Variants in ARMCX4 observed in about 807,000 individuals in gnomAD.
ARMCX4 encodes the protein armadillo repeat-containing X-linked protein 4.
ARMCX4 carries 3 observed loss-of-function variants against 34.7 expected under a neutral mutation model. That is an observed-to-expected ratio of 0.09 (90% CI 0.04 to 0.22). The LOEUF (loss-of-function observed/expected upper bound fraction) is 0.22. ARMCX4 is among the 10% of genes least tolerant of loss of function. ARMCX4 has a pLI of 1.00. For synonymous variants in ARMCX4, 513 were observed against 632.8 expected (o/e 0.81, Z 2.84); for missense variants, 1,448 against 1,720.8 (o/e 0.84, Z 2.81).
downstream of ARMCX4, among the ~76,000 whole-genome samples, chrX:101,499,985 A>G (rs781816766): frequency 8.9e-6 from 1 of 112,248 alleles, no homozygotes; most frequent in South Asian, 3.7e-4. Flanking sequence ...GTGCCCAGGA[A>G]GAAGGACCCT....
upstream of ARMCX4, among the ~76,000 whole-genome samples, chrX:101,481,744 A>G (rs1444249726): frequency 1.8e-5 from 2 of 111,545 alleles, no homozygotes; most frequent in Admixed American, 9.6e-5. Flanking sequence ...AGAATATCCT[A>G]AAGAAATTCT....
At chrX:101,438,127 A>G (rs1212143853) in intron 2 of ARMCX4, among the ~76,000 whole-genome samples, 2 of 111,709 alleles carry the variant, frequency 1.8e-5, no homozygotes, top group Non-Finnish European at 3.8e-5. Context: ...GCTGAAAAGA[A>G]TGTATGTTCT....
At chrX:101,425,393 CTT>C (rs1433372159) in intron 2 of ARMCX4, among the ~76,000 whole-genome samples, 4 of 88,790 alleles carry the variant, frequency 4.5e-5, no homozygotes, top group Non-Finnish European at 2.2e-5. Context: ...GAGGAAGGCA[CTT>C]TTTTTTTTTT....
At chrX:101,532,078 T>G (rs1387838466) in intron 12 of ARMCX4, 1 of 111,901 alleles carries the variant, frequency 8.9e-6, no homozygotes, top group Non-Finnish European at 1.9e-5. Flanking sequence ...CAGAAGCAGC[T>G]TGCCTTACAC....
At chrX:101,449,855 T>C (rs782639192), downstream of ARMCX4, among the ~76,000 whole-genome samples, 4 of 111,307 alleles carry the variant, frequency 3.6e-5, no homozygotes, top group Admixed American at 2.9e-4. Context: ...CTATCTTTCT[T>C]GGGAAGGCTT....
intron 2 of ARMCX4, among the ~76,000 whole-genome samples, chrX:101,442,602 A>T (rs180906706): frequency 9.0e-4 from 100 of 111,651 alleles, no homozygotes; most frequent in African/African-American, 3.3e-3. Flanking sequence ...TCAAGGGTAG[A>T]AGAGATATGT....
chrX:101,464,806 A>C (rs782056220), intron 4 of ARMCX4, among the ~76,000 whole-genome samples: 1 of 111,917 alleles, frequency 8.9e-6, no homozygotes, highest in Non-Finnish European at 1.9e-5. Context: ...TTTGTGCTAA[A>C]GGGCCAAGGT....
At chrX:101,443,130 CAAAAAAA>C (rs141804967) in intron 2 of ARMCX4, among the ~76,000 whole-genome samples, 1 of 49,742 alleles carries the variant, frequency 2.0e-5, no homozygotes, top group African/African-American at 9.0e-5. Context: ...GACTCCGTCT[CAAAAAAA>C]AAAAAAAAAA....
rs1933869438 is a variant in ARMCX4 at position 101,489,152 on chromosome X, C to A, written c.563C>A (p.Thr188Asn). The A allele has an allele frequency of 3.5e-6, 4 of 1,154,594 alleles. No individual in the cohort carries two copies. Among genetic ancestry groups the A allele is most frequent in the African/African-American group, 3.6e-5 (2 of 55,884 alleles). Residue 188 changes from threonine (T) to asparagine (N), a missense_variant, in exon 6 of 6, where the codon ACC (threonine) becomes AAC (asparagine). Transcript: ENST00000423738. ...TEAKREAMTQ[T>N]KAETHILAEK... ...GCCAAGAGAGAAGCAATGACCCAGA[C>A]CAAAGCTGAAACTCATATATTGGCT...
At position 101,428,996 on chromosome X, in the gene ARMCX4, C is replaced by T. The variant is rs1180859741; in HGVS notation, n.164+9996C>T. On this transcript the variant is annotated intron_variant and non_coding_transcript_variant, in intron 2 of 3. Transcript: ENST00000430461. Reference sequence around the variant, plus strand: ...AGGCAATCCTCCTGTCTCAGCCTCCCGAGTGGCATGTGCCACCATGCCCGG... The same window carrying T: ...AGGCAATCCTCCTGTCTCAGCCTCCTGAGTGGCATGTGCCACCATGCCCGG... Among the ~76,000 whole-genome samples the T allele has an allele frequency of 3.7e-5, 4 of 108,243 alleles. 1 individual carries two copies. In the Admixed American group the frequency reaches 4.0e-4, roughly 11 times the overall value. The allele number at this position is 108,243 out of a possible 115,157, so 94.0% of individuals were successfully genotyped here. A position where few individuals can be genotyped will look rare whatever the true frequency, so the allele number is the denominator to read the frequency against.
At position 101,494,465 on chromosome X, in the gene ARMCX4, A is replaced by G; in HGVS notation, c.5876A>G (p.Glu1959Gly). The G allele has an allele frequency of 9.5e-6, 11 of 1,155,381 alleles. No individual in the cohort carries two copies. Among genetic ancestry groups the G allele is most frequent in the Non-Finnish European group, 1.3e-5 (11 of 872,544 alleles). Residue 1959 changes from glutamate to glycine, a missense_variant, in exon 6 of 6, where the codon GAG (glutamate) becomes GGG (glycine). Glu to Gly is a moderately conservative substitution (Grantham distance 98). Transcript: ENST00000423738. ...WFCAGNENTS[E>G]DKSAPKAKAK... is the part of the protein sequence containing the mutation. ...TGTGCTGGTAATGAAAACACAAGTG[A>G]GGACAAATCTGCACCTAAGGCTAAA...
At chrX:101,468,714 C>T (rs370204026) in intron 4 of ARMCX4, among the ~76,000 whole-genome samples, 6 of 107,206 alleles carry the variant, frequency 5.6e-5, no homozygotes, top group African/African-American at 2.0e-4. Flanking sequence ...CCAGGGTTCA[C>T]GCCATTCTCC....
At chrX:101,480,974 T>C (rs1271755457), upstream of ARMCX4, among the ~76,000 whole-genome samples, 2 of 111,032 alleles carry the variant, frequency 1.8e-5, no homozygotes, top group Non-Finnish European at 3.8e-5. Context: ...AGTACAAAAA[T>C]TAGCTGGGCG....
intron 7 of ARMCX4, among the ~76,000 whole-genome samples, chrX:101,502,068 A>C (rs1256310898): frequency 1.8e-5 from 2 of 111,896 alleles, no homozygotes; most frequent in Non-Finnish European, 3.8e-5. Flanking sequence ...ATGAATGGAA[A>C]ATTATATACC....
chrX:101,431,547 G>A lies in ARMCX4; in HGVS notation n.165-12505G>A, dbSNP rs181319426. 5.6e-5 allele frequency among the ~76,000 whole-genome samples: 6 copies of A among 107,981 alleles called. No individual in the cohort carries two copies. In the East Asian group the frequency reaches 1.8e-3, roughly 32 times the overall value. 93.8% of individuals were successfully genotyped at this position (107,981 alleles called of 115,157 possible). On this transcript the variant is annotated intron_variant and non_coding_transcript_variant, in intron 2 of 3. Transcript: ENST00000430461. Reference sequence around the variant, plus strand: ...GGTATTACAAAAGTTTATGCACCACGTTTCTTTTTTTTTTGAGACAGAGTC... The same window carrying A: ...GGTATTACAAAAGTTTATGCACCACATTTCTTTTTTTTTTGAGACAGAGTC...
rs782267190 is a variant in ARMCX4, at chrX:101,530,248, A to G, written c.*1781-1396A>G. On this transcript the variant is annotated intron_variant and NMD_transcript_variant, in intron 11 of 12. Transcript: ENST00000354842. ...TTATCACAAGGACAGAAAACCAAAC[A>G]CCACATGTTCTCACTCATAGGTGGG... 2.9e-4 allele frequency among the ~76,000 whole-genome samples: 32 copies of G among 111,823 alleles called. No individual in the cohort carries two copies. In the East Asian group the frequency reaches 8.4e-3, roughly 29 times the overall value.
intron 2 of ARMCX4, among the ~76,000 whole-genome samples, chrX:101,420,489 A>C (rs1301489251): frequency 8.9e-6 from 1 of 112,406 alleles, no homozygotes; most frequent in Non-Finnish European, 1.9e-5. Flanking sequence ...TGGGGAGCCA[A>C]GTAGCAAGCA....
intron 11 of ARMCX4, among the ~76,000 whole-genome samples, chrX:101,520,726 C>G (rs191663709): frequency 9.1e-6 from 1 of 110,447 alleles, no homozygotes; most frequent in African/African-American, 3.3e-5. Flanking sequence ...TCCTGTGACG[C>G]CTTTATCTGA....
intron 2 of ARMCX4, among the ~76,000 whole-genome samples, chrX:101,486,628 T>A (rs1933729427): frequency 9.0e-6 from 1 of 111,030 alleles, no homozygotes; most frequent in African/African-American, 3.3e-5. Context: ...CTACAGGTGG[T>A]TTTAAAATAA....
Sources: gnomAD v4.1 joint callset for allele counts (sites outside exome capture counted in the v4.1 genomes callset) on GRCh38, gnomAD v4.1.1 for gene constraint, MANE v1.5 for transcripts, NCBI Gene and HGNC (gene_info 2026-07-23, HGNC 2026-07-21) for gene names.